DSTN: variants seen among roughly 807,000 people sequenced by gnomAD.
The protein encoded by DSTN is destrin.
DSTN carries 10 observed loss-of-function variants against 16.8 expected under a neutral mutation model. That is an observed-to-expected ratio of 0.60 (90% CI 0.37 to 1.01). DSTN has a LOEUF of 1.01. DSTN is among the 50% of genes least tolerant of loss of function. DSTN has a pLI of 0.01. For synonymous variants in DSTN, 57 were observed against 58.9 expected, an observed-to-expected ratio of 0.97 and a Z score of 0.14; for missense variants, 141 against 196.7, an observed-to-expected ratio of 0.72 and a Z score of 1.69.
At chr20:17,576,693 T>G (rs570470495) in intron 1 of DSTN, among the ~76,000 whole-genome samples, 6 of 152,334 alleles carry the variant, frequency 3.9e-5, no homozygotes, top group Middle Eastern at 3.4e-3. Context: ...CATTTGTCAT[T>G]GTGTTTGTGC....
At chr20:17,583,720 A>T (rs2035371726) in intron 1 of DSTN, among the ~76,000 whole-genome samples, 1 of 119,996 alleles carries the variant, frequency 8.3e-6, no homozygotes, top group African/African-American at 3.0e-5. Flanking sequence ...ATGACTGCTA[A>T]TGGGTTTGGA....
chr20:17,581,123 G>A (rs552597443), intron 1 of DSTN, among the ~76,000 whole-genome samples: 11 of 152,276 alleles, frequency 7.2e-5, no homozygotes, highest in African/African-American at 1.9e-4. Flanking sequence ...GTAGTGGAGC[G>A]AGATATGATT....
At chr20:17,600,195 AT>A (rs1286023536) in intron 1 of DSTN, among the ~76,000 whole-genome samples, 1 of 152,230 alleles carries the variant, frequency 6.6e-6, no homozygotes, top group African/African-American at 2.4e-5. Context: ...TTTAAGTGAA[AT>A]TTTAATGGCA....
chr20:17,595,791 C>T (rs1315585861), intron 1 of DSTN, among the ~76,000 whole-genome samples: 1 of 152,082 alleles, frequency 6.6e-6, no homozygotes, highest in Non-Finnish European at 1.5e-5. Flanking sequence ...AAGTGTCTAG[C>T]AATAGTAAGT....
intron 1 of DSTN, among the ~76,000 whole-genome samples, chr20:17,577,464 G>C (rs1313414786): frequency 6.6e-6 from 1 of 152,112 alleles, no homozygotes; most frequent in Non-Finnish European, 1.5e-5. Flanking sequence ...CTACTTGAGA[G>C]GTTGAGGCGG....
intron 1 of DSTN, chr20:17,596,543 CTT>C (rs2035528659): frequency 1.2e-6 from 1 of 862,030 alleles, no homozygotes; most frequent in African/African-American, 1.8e-5. Flanking sequence ...ATTGGTTTGA[CTT>C]TGACATGTCC....
rs768882258 is a variant in DSTN at position 17,600,877 on chromosome 20, T to C, written c.143T>C (p.Ile48Thr). ...CTCAGTGCAGACAAAAAGTGCATCA[T>C]TGTAGAAGAAGGCAAAGAGATCTTG... is the stretch of plus-strand genomic sequence containing the variant. The part of the protein sequence containing the change: ...FCLSADKKCI[I>T]VEEGKEILVG... Residue 48 changes from isoleucine to threonine, a missense_variant, in exon 2 of 4, where the codon ATT (isoleucine) becomes ACT (threonine). Physicochemically the swap from Ile to Thr is moderately conservative, Grantham distance 89 (BLOSUM62 -1). Coordinates refer to ENST00000246069, the MANE Select transcript of DSTN (RefSeq NM_006870.4). 1 of 1,613,890 alleles carries C rather than the reference T, an allele frequency of 6.2e-7. No individual in the cohort carries two copies. The highest frequency in any genetic ancestry group is 8.5e-7 in the Non-Finnish European group (1 of 1,179,844).
chr20:17,592,891 C>A (rs1381379086), intron 1 of DSTN, among the ~76,000 whole-genome samples: 1 of 152,174 alleles, frequency 6.6e-6, no homozygotes, highest in Non-Finnish European at 1.5e-5. Flanking sequence ...CCTTTTGCAC[C>A]TCTTGCCTTG....
rs1404646411 is a variant in DSTN, at chr20:17,609,156, T to C, written c.*2010T>C. On this transcript the variant is annotated 3_prime_UTR_variant, in exon 4 of 4. Transcript: ENST00000246069. ...TCTAGAAAATAGTGCTGGCTGCTTGTCATTCATCCTGAATTGCTTGTTTCT... is the reference window on the plus strand; with the variant it reads ...TCTAGAAAATAGTGCTGGCTGCTTGCCATTCATCCTGAATTGCTTGTTTCT... The C allele has an allele frequency of 6.6e-6, 1 of 152,258 alleles. No homozygotes were observed. Among genetic ancestry groups the C allele is most frequent in the Non-Finnish European group, 1.5e-5 (1 of 68,050 alleles). The allele number at this position is 152,258 out of a possible 1,614,324, so 9.4% of individuals were successfully genotyped here. A position where few individuals can be genotyped will look rare whatever the true frequency, so the allele number is the denominator to read the frequency against.
intron 1 of DSTN, among the ~76,000 whole-genome samples, chr20:17,582,235 C>T (rs183937896): frequency 3.9e-5 from 6 of 152,078 alleles, no homozygotes; most frequent in East Asian, 1.9e-4. Flanking sequence ...CGCGCCACCA[C>T]GCCTCGCTAA....
chr20:17,572,330 C>G (rs140094728), intron 1 of DSTN, among the ~76,000 whole-genome samples: 200 of 152,306 alleles, frequency 1.3e-3, no homozygotes, highest in African/African-American at 4.7e-3. Flanking sequence ...AGACCCCAAA[C>G]AAAACGTGTG....
intron 1 of DSTN, among the ~76,000 whole-genome samples, chr20:17,584,310 A>G (rs369368322): frequency 9.9e-5 from 15 of 152,174 alleles, no homozygotes; most frequent in Admixed American, 9.8e-4. Context: ...AGTCCTAGGT[A>G]TGAAATCACT....
chr20:17,597,155 G>T (rs142793390), intron 1 of DSTN, among the ~76,000 whole-genome samples: 160 of 152,290 alleles, frequency 1.1e-3, no homozygotes, highest in Non-Finnish European at 1.6e-3. Flanking sequence ...ACGTTGTAAA[G>T]ATCAGAAATA....
chr20:17,578,477 C>G (rs1233301994), intron 1 of DSTN, among the ~76,000 whole-genome samples: 2 of 152,154 alleles, frequency 1.3e-5, no homozygotes, highest in African/African-American at 4.8e-5. Flanking sequence ...TACTTTGAGT[C>G]TTACAAGTAA....
At chr20:17,584,175 A>T (rs2035381767) in intron 1 of DSTN, among the ~76,000 whole-genome samples, 1 of 152,182 alleles carries the variant, frequency 6.6e-6, no homozygotes, top group Admixed American at 6.5e-5. Flanking sequence ...TATATAGAAT[A>T]TATCTGTAAA....
At chr20:17,605,257 C>T in intron 3 of DSTN, 1 of 444,234 alleles carries the variant, frequency 2.3e-6, no homozygotes, top group Non-Finnish European at 4.5e-6. Context: ...GCCCAAAGGC[C>T]TGCACTGAGG....
chr20:17,570,917 G>T (rs2035197319), intron 1 of DSTN, among the ~76,000 whole-genome samples: 1 of 152,298 alleles, frequency 6.6e-6, no homozygotes, highest in Admixed American at 6.5e-5. Context: ...TGTATGGTTA[G>T]AATTTTTTTT....
chr20:17,579,849 A>T (rs2035323705), intron 1 of DSTN, among the ~76,000 whole-genome samples: 1 of 152,230 alleles, frequency 6.6e-6, no homozygotes, highest in East Asian at 1.9e-4. Context: ...TCTCATACAG[A>T]ATCACTCATT....
chr20:17,585,117 G>A (rs1191643097), intron 1 of DSTN, among the ~76,000 whole-genome samples: 1 of 152,192 alleles, frequency 6.6e-6, no homozygotes, highest in Non-Finnish European at 1.5e-5. Flanking sequence ...AGATATTAAT[G>A]AGTAATAAAT....
Sources: allele counts gnomAD v4.1 joint callset (sites outside exome capture counted in the v4.1 genomes callset), GRCh38; gene constraint gnomAD v4.1.1; transcripts MANE v1.5; gene names NCBI Gene and HGNC (gene_info 2026-07-23, HGNC 2026-07-21).